Variants in TTLL11 observed in about 807,000 individuals in gnomAD.
The protein encoded by TTLL11 is tubulin polyglutamylase TTLL11.
Under a neutral mutation model 51.7 loss-of-function variants are expected in TTLL11, and 42 were observed. The ratio of observed to expected loss-of-function variants is 0.81; its 90% CI spans 0.64 to 1.05. TTLL11 has a LOEUF of 1.05. Among genes scored for constraint, TTLL11 ranks in the 50% least tolerant of loss-of-function variants. TTLL11 has a pLI of 0.00. For synonymous variants in TTLL11, 381 were observed against 383.5 expected (o/e 0.99, Z 0.08); for missense variants, 799 against 940.4 (o/e 0.85, Z 1.97).
At chr9:122,058,733 A>T (rs1373879186) in intron 1 of TTLL11, among the ~76,000 whole-genome samples, 1 of 152,234 alleles carries the variant, frequency 6.6e-6, no homozygotes, top group Non-Finnish European at 1.5e-5. Context: ...CACAGCTAAT[A>T]GCTGTGGCCA....
intron 4 of TTLL11, among the ~76,000 whole-genome samples, chr9:121,988,535 C>T (rs868299126): frequency 1.4e-4 from 21 of 152,096 alleles, no homozygotes; most frequent in African/African-American, 4.3e-4. Context: ...CCACCTGGAA[C>T]CCTTTGCCTC....
rs576540759 is a variant in TTLL11 at position 121,839,452 on chromosome 9, AG to A, written c.1841-16574del. Among the ~76,000 whole-genome samples the A allele has an allele frequency of 5.3e-3, 808 of 152,222 alleles. 4 individuals are homozygous for A. Among genetic ancestry groups the A allele is most frequent in the Middle Eastern group, 0.027 (8 of 294 alleles). ...TTCGCTTACTCACTGCCCAGCTGGG[AG>A]CCTCAGTTTCTTTCTACCCTGCCCG... On this transcript the variant is annotated intron_variant, in intron 8 of 8. Coordinates refer to ENST00000321582, the MANE Select transcript of TTLL11 (RefSeq NM_001139442.2).
intron 8 of TTLL11, among the ~76,000 whole-genome samples, chr9:121,824,682 G>A (rs968822326): frequency 6.6e-6 from 1 of 152,048 alleles, no homozygotes; most frequent in Non-Finnish European, 1.5e-5. Context: ...ACTGGAACCC[G>A]GGGATCTAAA....
rs1313434230 is a variant in TTLL11, at chr9:121,817,747, G to A, written c.*4840C>T. On this transcript the variant is annotated 3_prime_UTR_variant, in exon 9 of 9. Coordinates refer to ENST00000321582, the MANE Select transcript of TTLL11 (RefSeq NM_001139442.2). ...TGCCGAGGAAGGAGTGTGGGATCTG[G>A]AGCCAGCCGGGGGGCTCAGGTGGAT... The A allele has an allele frequency of 1.3e-5, 2 of 152,316 alleles. No homozygotes were observed. Among genetic ancestry groups the A allele is most frequent in the Admixed American group, 1.3e-4 (2 of 15,286 alleles). The allele number at this position is 152,316 out of a possible 1,614,324, so 9.4% of individuals were successfully genotyped here. A position where few individuals can be genotyped will look rare whatever the true frequency, so the allele number is the denominator to read the frequency against.
At chr9:121,927,494 C>A (rs1190954284) in intron 6 of TTLL11, among the ~76,000 whole-genome samples, 1 of 152,212 alleles carries the variant, frequency 6.6e-6, no homozygotes, top group African/African-American at 2.4e-5. Flanking sequence ...TGCTACATGT[C>A]AAGCACTCTC....
At chr9:121,885,146 C>T (rs1838959977) in intron 6 of TTLL11, 2 of 152,202 alleles carry the variant, frequency 1.3e-5, no homozygotes, top group East Asian at 1.9e-4. Flanking sequence ...AGAAAATCCA[C>T]CCAGATAGCC....
chr9:121,875,958 T>C (rs1449733691), intron 6 of TTLL11, among the ~76,000 whole-genome samples: 1 of 152,258 alleles, frequency 6.6e-6, no homozygotes, highest in African/African-American at 2.4e-5. Flanking sequence ...GAAAGTTAAC[T>C]GTTCATTTAT....
At chr9:121,978,691 A>C (rs1266655875) in intron 4 of TTLL11, among the ~76,000 whole-genome samples, 3 of 152,142 alleles carry the variant, frequency 2.0e-5, no homozygotes, top group Non-Finnish European at 4.4e-5. Context: ...GTTTAAAGAT[A>C]TCTGTCCTTC....
intron 6 of TTLL11, chr9:121,884,659 G>A (rs993427096): frequency 5.9e-5 from 9 of 152,232 alleles, no homozygotes; most frequent in Middle Eastern, 3.4e-3. Flanking sequence ...TTATTGTGTC[G>A]TTCCTTTGGC....
In TTLL11 at chr9:121,989,188, T is replaced by C. The variant is rs374357217; in HGVS notation, c.1269+7A>G. On this transcript the variant is annotated splice_region_variant and intron_variant, in intron 4 of 8. Transcript: ENST00000321582. The surrounding 1 kb of genome is among the most constrained non-coding windows in gnomAD (Gnocchi z 4.2). The stretch of plus-strand genomic sequence containing the variant: ...GGAAACGCAGGCTGGGAACTGGCAA[T>C]GGTTACCTGGAAGCACGTGGGGCCC... 42 of 1,612,590 alleles carry C rather than the reference T, an allele frequency of 2.6e-5. No homozygotes were observed. In the African/African-American group the frequency reaches 4.0e-4, roughly 15 times the overall value.
At position 121,974,031 on chromosome 9, in the gene TTLL11, G is replaced by A. The variant is rs1022308224; in HGVS notation, c.1459C>T (p.Leu487Phe). 2.6e-6 allele frequency: 4 copies of A among 1,551,540 alleles called. No homozygotes were observed. The highest frequency in any genetic ancestry group is 2.7e-5 in the African/African-American group (2 of 73,032). ...IRDTLRLMDPLKKKRENQSQQ... is the reference protein window; with the variant it reads ...IRDTLRLMDPFKKKRENQSQQ... ...TACTGATTCTCTCTTTTCTTCTTAA[G>A]TGGGTCCATGAGGCGCAGAGTGTCT... Residue 487 changes from leucine (L) to phenylalanine (F), a missense_variant, in exon 6 of 9, where the codon CTT (leucine) becomes TTT (phenylalanine). Coordinates refer to ENST00000321582, the MANE Select transcript of TTLL11 (RefSeq NM_001139442.2).
In TTLL11 at chr9:122,069,383, A is replaced by T. The variant is rs112412964; in HGVS notation, c.462+23304T>A. Among the ~76,000 whole-genome samples, 1,171 of 152,236 alleles carry T rather than the reference A, an allele frequency of 7.7e-3. 17 individuals are homozygous for T. Among genetic ancestry groups the T allele is most frequent in the African/African-American group, 0.027 (1,122 of 41,562 alleles). On this transcript the variant is annotated intron_variant, in intron 1 of 8. Coordinates refer to ENST00000321582, the MANE Select transcript of TTLL11 (RefSeq NM_001139442.2). ...GTCAGCCAGGGGTTCAGGACAGAAG[A>T]CAAGAAAGGCTGGAAGGGGCTGGGC...
Position 121,898,423 on chromosome 9 carries a change from G to A in TTLL11, c.1482-27675C>T, listed in dbSNP as rs111420739. On this transcript the variant is annotated intron_variant, in intron 6 of 8. Coordinates refer to ENST00000321582, the MANE Select transcript of TTLL11 (RefSeq NM_001139442.2). ...GGCAGATGGGGTAACCCCACTGGCT[G>A]CAATAGGGATAGCAGAGGTGGCTGA... Among the ~76,000 whole-genome samples, 90 of 152,386 alleles carry A rather than the reference G, an allele frequency of 5.9e-4. 1 individual carries two copies. The highest frequency in any genetic ancestry group is 2.0e-3 in the African/African-American group (83 of 41,598).
chr9:122,026,213 C>T (rs1050148704), intron 3 of TTLL11, among the ~76,000 whole-genome samples: 5 of 151,702 alleles, frequency 3.3e-5, no homozygotes, highest in Non-Finnish European at 7.4e-5. Flanking sequence ...CTGAGGCAGG[C>T]GGATCACTTG....
At chr9:121,938,769 G>A (rs1208568987) in intron 6 of TTLL11, among the ~76,000 whole-genome samples, 1 of 137,292 alleles carries the variant, frequency 7.3e-6, no homozygotes, top group Non-Finnish European at 1.6e-5. Flanking sequence ...ATATGCCTCA[G>A]ATTGGCAAAC....
intron 8 of TTLL11, among the ~76,000 whole-genome samples, chr9:121,842,411 C>T (rs1445589057): frequency 6.6e-6 from 1 of 152,096 alleles, no homozygotes; most frequent in South Asian, 2.1e-4. Context: ...GTGCATGCCA[C>T]CCTGCCTGGC....
intron 4 of TTLL11, among the ~76,000 whole-genome samples, chr9:121,986,406 C>T (rs937752328): frequency 3.3e-5 from 5 of 152,214 alleles, no homozygotes; most frequent in Admixed American, 3.3e-4. Context: ...CATGGTCCCC[C>T]GGGATGACCC....
At chr9:121,873,049 T>C (rs891896117) in intron 6 of TTLL11, among the ~76,000 whole-genome samples, 1 of 152,208 alleles carries the variant, frequency 6.6e-6, no homozygotes, top group African/African-American at 2.4e-5. Flanking sequence ...CTTAAATTAC[T>C]GGGTAAGTGG....
At chr9:122,012,282 GCAAAAT>G (rs747177082) in intron 3 of TTLL11, among the ~76,000 whole-genome samples, 5 of 152,072 alleles carry the variant, frequency 3.3e-5, no homozygotes, top group Admixed American at 6.5e-5. Flanking sequence ...AAGAACTTTT[GCAAAAT>G]GAAATGAAAG....
Sources: gnomAD v4.1 joint callset for allele counts (sites outside exome capture counted in the v4.1 genomes callset) on GRCh38, gnomAD v4.1.1 for gene constraint, Gnocchi (gnomAD v3.1) non-coding constraint, MANE v1.5 for transcripts, NCBI Gene and HGNC (gene_info 2026-07-23, HGNC 2026-07-21) for gene names.